DYNC2H1: variants seen among roughly 807,000 people sequenced by gnomAD.
DYNC2H1 encodes dynein cytoplasmic 2 heavy chain 1.
In DYNC2H1, 410 loss-of-function variants were observed where a neutral mutation model predicts 570.0. The observed-to-expected ratio is 0.72, with a 90% CI of 0.66 to 0.78. The LOEUF (loss-of-function observed/expected upper bound fraction) is 0.78. DYNC2H1 is among the 30% of genes least tolerant of loss of function. The pLI, the probability that DYNC2H1 is intolerant of heterozygous loss-of-function variation, is 0.00. For synonymous variants in DYNC2H1, 1,688 were observed against 1,677.6 expected, an observed-to-expected ratio of 1.01 and a Z score of -0.15; for missense variants, 4,865 against 5,046.4, an observed-to-expected ratio of 0.96 and a Z score of 1.09.
At chr11:103,221,099 A>T (rs1027534616) in intron 57 of DYNC2H1, among the ~76,000 whole-genome samples, 1 of 152,132 alleles carries the variant, frequency 6.6e-6, no homozygotes, top group Non-Finnish European at 1.5e-5. Flanking sequence ...ACCATGATTT[A>T]CTGTTGAAGA....
At chr11:103,136,192 T>C (rs1218252135) in intron 17 of DYNC2H1, among the ~76,000 whole-genome samples, 1 of 151,248 alleles carries the variant, frequency 6.6e-6, no homozygotes, top group Admixed American at 6.6e-5. Flanking sequence ...CTTGTTTTTT[T>C]TGGTTTTTTA....
In DYNC2H1 at chr11:103,321,087, A is replaced by G. The variant is rs200386864; in HGVS notation, c.11784A>G (p.Gly3928=). The G allele has an allele frequency of 6.2e-6, 10 of 1,612,836 alleles. No individual in the cohort carries two copies. The East Asian group carries it at 2.2e-4, about 36-fold the overall frequency. The change falls in exon 81 of 89, where the codon GGA becomes GGG. Residue 3928 remains glycine (G), a synonymous_variant. Transcript: ENST00000375735. The part of the protein sequence containing the change: ...VHGLLENAIY[G]GRIDNYFDLR... ...GTTTACTTGAAAATGCTATTTATGG[A>G]GGACGTATAGACAACTATTTTGACC...
chr11:103,426,390 C>T (rs61412144), intron 84 of DYNC2H1, among the ~76,000 whole-genome samples: 3,903 of 152,228 alleles, frequency 0.026, 115 homozygotes, highest in African/African-American at 0.064. Context: ...TCTCCACAAC[C>T]AAGCTGGTCT....
Position 103,316,528 on chromosome 11 carries a change from A to G in DYNC2H1, c.11650-17A>G. On this transcript the variant is annotated splice_polypyrimidine_tract_variant and intron_variant, in intron 79 of 88. Coordinates refer to ENST00000375735, the MANE Select transcript of DYNC2H1 (RefSeq NM_001377.3). ...CTACTGCTTAGTTGTTTACTTAAAAAAATTGTTTTTTGACAGGGTTGGACA... is the reference window on the plus strand; with the variant it reads ...CTACTGCTTAGTTGTTTACTTAAAAGAATTGTTTTTTGACAGGGTTGGACA... 1.3e-6 allele frequency: 2 copies of G among 1,530,680 alleles called. No individual in the cohort carries two copies. Among genetic ancestry groups the G allele is most frequent in the Non-Finnish European group, 1.8e-6 (2 of 1,138,584 alleles). 94.8% of individuals were successfully genotyped at this position (1,530,680 alleles called of 1,614,324 possible). A position where few individuals can be genotyped will look rare whatever the true frequency, so the allele number is the denominator to read the frequency against.
intron 20 of DYNC2H1, among the ~76,000 whole-genome samples, chr11:103,150,399 A>G (rs556442254): frequency 2.0e-5 from 3 of 152,274 alleles, no homozygotes; most frequent in South Asian, 2.1e-4. Context: ...AGATAGAACT[A>G]TATCTCCACT....
rs1369109076 is a variant in DYNC2H1 at position 103,439,586 on chromosome 11, T to C, written c.12456+3554T>C. On this transcript the variant is annotated intron_variant, in intron 85 of 88. Coordinates refer to ENST00000375735, the MANE Select transcript of DYNC2H1 (RefSeq NM_001377.3). This position sits in a 1 kb window ranked among gnomAD's most constrained non-coding sequence, Gnocchi z 4.1. ...GTATGGAGAGAGTCTTAGTCTACTT[T>C]GTGGCAAAAGGTTTAAGACTCCTCT... Among the ~76,000 whole-genome samples the C allele has an allele frequency of 6.6e-6, 1 of 152,086 alleles. No individual in the cohort carries two copies. Among genetic ancestry groups the C allele is most frequent in the African/African-American group, 2.4e-5 (1 of 41,414 alleles).
intron 88 of DYNC2H1, among the ~76,000 whole-genome samples, chr11:103,471,835 AT>A (rs1945400346): frequency 6.6e-6 from 1 of 152,128 alleles, no homozygotes; most frequent in African/African-American, 2.4e-5. Flanking sequence ...CATTAGTGCA[AT>A]TAGAGAGGTT....
chr11:103,432,671 T>TGA (rs1555130537), intron 84 of DYNC2H1, among the ~76,000 whole-genome samples: 15 of 151,556 alleles, frequency 9.9e-5, no homozygotes, highest in African/African-American at 3.1e-4. Flanking sequence ...AAAAAAAAAT[T>TGA]GAGAAATGCT....
intron 75 of DYNC2H1, among the ~76,000 whole-genome samples, chr11:103,295,517 G>A (rs1866783532): frequency 6.6e-6 from 1 of 152,126 alleles, no homozygotes; most frequent in African/African-American, 2.4e-5. Flanking sequence ...TATGGTATGA[G>A]TTTATAGATT....
In DYNC2H1 at chr11:103,143,274, A is replaced by T; in HGVS notation, c.2581A>T (p.Ile861Phe). 6.2e-7 allele frequency: 1 copy of T among 1,613,102 alleles called. No individual in the cohort carries two copies. Among genetic ancestry groups the T allele is most frequent in the Non-Finnish European group, 8.5e-7 (1 of 1,179,498 alleles). Residue 861 changes from isoleucine (I) to phenylalanine (F), a missense_variant, in exon 18 of 89, where the codon ATT (isoleucine) becomes TTT (phenylalanine). Coordinates refer to ENST00000375735, the MANE Select transcript of DYNC2H1 (RefSeq NM_001377.3). Reference sequence around the variant, plus strand: ...TTTTTCTTTCTTTAAATAGGAATGGATTGTAATTGGGCAAGTTGATATGGA... The same window carrying T: ...TTTTTCTTTCTTTAAATAGGAATGGTTTGTAATTGGGCAAGTTGATATGGA... The part of the protein sequence containing the change: ...SAVLHQHKEW[I>F]VIGQVDMEAL...
At chr11:103,438,935 A>G (rs1313447843) in intron 85 of DYNC2H1, among the ~76,000 whole-genome samples, 2 of 152,116 alleles carry the variant, frequency 1.3e-5, no homozygotes, top group African/African-American at 2.4e-5. Flanking sequence ...CTTGAGCCCA[A>G]GAGTTCAAGT....
intron 84 of DYNC2H1, chr11:103,404,336 G>C (rs7943797): frequency 6.6e-6 from 1 of 151,222 alleles, no homozygotes; most frequent in Non-Finnish European, 1.5e-5. Flanking sequence ...TTGGTTCTTC[G>C]AATGTGTGGT....
At chr11:103,478,903 C>G (rs1945654411) in intron 88 of DYNC2H1, among the ~76,000 whole-genome samples, 192 bp from the exon 89 acceptor site, 1 of 151,970 alleles carries the variant, frequency 6.6e-6, no homozygotes, top group Non-Finnish European at 1.5e-5. Flanking sequence ...ATGTTTGGGG[C>G]TAGGGAGAGG....
At chr11:103,176,187 C>G in intron 36 of DYNC2H1, 48 bp from the exon 37 acceptor site, 1 of 1,388,950 alleles carries the variant, frequency 7.2e-7, no homozygotes, top group Non-Finnish European at 9.5e-7. Context: ...AAACTTTTTT[C>G]ATCATTAAAG....
intron 59 of DYNC2H1, among the ~76,000 whole-genome samples, chr11:103,226,145 G>A (rs1012575129): frequency 2.6e-5 from 4 of 152,074 alleles, no homozygotes; most frequent in Admixed American, 2.6e-4. Flanking sequence ...GTATATAATA[G>A]TATCATCAGC....
chr11:103,311,936 A>G lies in DYNC2H1; in HGVS notation c.11552A>G (p.Gln3851Arg). ...ACTTATGAGTCTTGGACTCCTGAGC[A>G]AATTAGCAAAAAAGATAATACACAT... ...MRTYESWTPE[Q>R]ISKKDNTHRA... is the part of the protein sequence containing the mutation. Residue 3851 changes from glutamine (Q) to arginine (R), a missense_variant, in exon 79 of 89, where the codon CAA becomes CGA. Around this residue, in one of 5 missense-constraint regions of DYNC2H1, gnomAD observed 2,401 missense variants for 2,454.6 expected, o/e 0.98. Transcript: ENST00000375735. 6.2e-7 allele frequency: 1 copy of G among 1,613,818 alleles called. No individual in the cohort carries two copies.
In DYNC2H1 at chr11:103,109,585, G is replaced by A. The variant is rs1858009951; in HGVS notation, c.11G>A (p.Gly4Glu). 1 of 1,613,798 alleles carries A rather than the reference G, an allele frequency of 6.2e-7. No individual in the cohort carries two copies. The highest frequency in any genetic ancestry group is 8.5e-7 in the Non-Finnish European group (1 of 1,179,818). Residue 4 changes from glycine to glutamate, a missense_variant, in exon 1 of 89, where the codon GGG becomes GAG. Transcript: ENST00000375735. The part of the protein sequence containing the change: MAN[G>E]TADVRKLFIF... ...CCACCCCTTCCAATCATGGCGAACG[G>A]GACTGCGGACGTTCGGAAGCTCTTC... is the stretch of plus-strand genomic sequence containing the variant.
intron 84 of DYNC2H1, among the ~76,000 whole-genome samples, chr11:103,425,371 C>T (rs1272760079): frequency 2.0e-5 from 3 of 152,242 alleles, no homozygotes; most frequent in Non-Finnish European, 2.9e-5. Flanking sequence ...GTTCTGATGA[C>T]GGCCGCCTTC....
In DYNC2H1 at chr11:103,363,334, T is replaced by C. The variant is rs1430911517; in HGVS notation, c.12156+4975T>C. 2.0e-5 allele frequency among the ~76,000 whole-genome samples: 3 copies of C among 152,182 alleles called. No individual in the cohort carries two copies. Among genetic ancestry groups the C allele is most frequent in the African/African-American group, 4.8e-5 (2 of 41,444 alleles). On this transcript the variant is annotated intron_variant, in intron 83 of 88. Transcript: ENST00000375735. This position sits in a 1 kb window ranked among gnomAD's most constrained non-coding sequence, Gnocchi z 5.6. ...TGAGAAAATCAGTTTATTTTAGATATGTTTATAAGTGAGCTGGAGAGGAGA... is the reference window on the plus strand; with the variant it reads ...TGAGAAAATCAGTTTATTTTAGATACGTTTATAAGTGAGCTGGAGAGGAGA...
Sources: allele counts gnomAD v4.1 joint callset (sites outside exome capture counted in the v4.1 genomes callset), GRCh38; gene constraint gnomAD v4.1.1; regional missense constraint gnomAD v4.1.1; non-coding constraint Gnocchi (gnomAD v3.1); transcripts MANE v1.5; gene names NCBI Gene and HGNC (gene_info 2026-07-23, HGNC 2026-07-21).